WDR37: variants seen among roughly 807,000 people sequenced by gnomAD.
The protein encoded by WDR37 is WD repeat-containing protein 37.
WDR37 carries 19 observed loss-of-function variants against 62.9 expected under a neutral mutation model. That is an observed-to-expected ratio of 0.30 (90% CI 0.21 to 0.44). WDR37 has a LOEUF of 0.44. Ranked by LOEUF, WDR37 falls within the 20% of genes least tolerant of loss-of-function variation. The pLI is 1.00. For missense variants in WDR37, 474 were observed against 657.6 expected (o/e 0.72, Z 3.05); for synonymous variants, 250 against 260.9 (o/e 0.96, Z 0.40).
At chr10:1,106,001 G>A (rs1292412754) in intron 11 of WDR37, among the ~76,000 whole-genome samples, 1 of 152,024 alleles carries the variant, frequency 6.6e-6, no homozygotes, top group Non-Finnish European at 1.5e-5. Context: ...TAGCCAGGAT[G>A]GTCTCGATCT....
At chr10:1,102,604 C>T (rs1834861110) in intron 9 of WDR37, among the ~76,000 whole-genome samples, 1 of 152,116 alleles carries the variant, frequency 6.6e-6, no homozygotes, top group Non-Finnish European at 1.5e-5. Flanking sequence ...GGGTGCCCCA[C>T]ATCCAAGCAG....
intron 5 of WDR37, among the ~76,000 whole-genome samples, chr10:1,081,180 CTG>C (rs1398397202): frequency 1.3e-5 from 2 of 151,900 alleles, no homozygotes; most frequent in Non-Finnish European, 2.9e-5. Context: ...AAGTGAAGGT[CTG>C]TCTCTAAGGC....
Position 1,126,209 on chromosome 10 carries a change from T to C in WDR37, c.1353+1185T>C, listed in dbSNP as rs181105113. On this transcript the variant is annotated intron_variant, in intron 13 of 13. Coordinates refer to ENST00000263150, the MANE Select transcript of WDR37 (RefSeq NM_014023.4). ...TCACGAGGTCAGGAGATCGAGACCATCCTGACTAACACGGTGAAACCCTGT... is the reference window on the plus strand; with the variant it reads ...TCACGAGGTCAGGAGATCGAGACCACCCTGACTAACACGGTGAAACCCTGT... 6.6e-5 allele frequency among the ~76,000 whole-genome samples: 10 copies of C among 152,032 alleles called. No homozygotes were observed. In the East Asian group the frequency reaches 1.5e-3, roughly 24 times the overall value.
At chr10:1,087,637 C>T (rs1834245063) in intron 7 of WDR37, among the ~76,000 whole-genome samples, 1 of 151,618 alleles carries the variant, frequency 6.6e-6, no homozygotes, top group East Asian at 1.9e-4. Flanking sequence ...TTAAAATACT[C>T]AGTCAACAAT....
At chr10:1,057,219 CAGG>C (rs1833212343) in intron 1 of WDR37, among the ~76,000 whole-genome samples, 1 of 151,272 alleles carries the variant, frequency 6.6e-6, no homozygotes, top group Non-Finnish European at 1.5e-5. Flanking sequence ...AGTCGGGGCG[CAGG>C]AGTAGTCCGT....
intron 8 of WDR37, among the ~76,000 whole-genome samples, chr10:1,094,552 G>A (rs983416416): frequency 2.0e-5 from 3 of 152,300 alleles, no homozygotes; most frequent in East Asian, 1.9e-4. Context: ...ACCTTCATAC[G>A]TGGATGAAGA....
chr10:1,088,485 G>A (rs1332083890), intron 7 of WDR37, among the ~76,000 whole-genome samples: 5 of 152,106 alleles, frequency 3.3e-5, no homozygotes, highest in African/African-American at 1.2e-4. Flanking sequence ...GAGTAGAGAG[G>A]CCTGAGCAGA....
At chr10:1,091,166 T>C (rs1834375816) in intron 7 of WDR37, among the ~76,000 whole-genome samples, 1 of 152,188 alleles carries the variant, frequency 6.6e-6, no homozygotes, top group Non-Finnish European at 1.5e-5. Flanking sequence ...GCCCTACCCC[T>C]CCTTCTGTGG....
intron 9 of WDR37, among the ~76,000 whole-genome samples, chr10:1,099,197 G>A (rs910352112): frequency 2.6e-5 from 4 of 152,236 alleles, no homozygotes; most frequent in Non-Finnish European, 5.9e-5. Context: ...ATCACAAAGA[G>A]GCCTGAATGT....
At chr10:1,069,389 A>ATTTTTTTTTTTTTTTTTTTTTTTTTT (rs377212232) in intron 1 of WDR37, among the ~76,000 whole-genome samples, 2 of 95,806 alleles carry the variant, frequency 2.1e-5, no homozygotes, top group Non-Finnish European at 3.8e-5. Flanking sequence ...ATATATATAT[A>ATTTTTTTTTTTTTTTTTTTTTTTTTT]TTTTTTTTTT....
At chr10:1,091,469 C>T (rs1834385628) in intron 7 of WDR37, among the ~76,000 whole-genome samples, 1 of 152,100 alleles carries the variant, frequency 6.6e-6, no homozygotes, top group South Asian at 2.1e-4. Flanking sequence ...TCATTTAGTT[C>T]CTTAGAAAAA....
At chr10:1,075,997 CT>C (rs1833868305) in intron 2 of WDR37, among the ~76,000 whole-genome samples, 1 of 152,146 alleles carries the variant, frequency 6.6e-6, no homozygotes, top group Non-Finnish European at 1.5e-5. Flanking sequence ...CCAGGCTGGT[CT>C]CGAACTCCTG....
At chr10:1,074,717 G>A (rs1403653756) in intron 2 of WDR37, among the ~76,000 whole-genome samples, 2 of 152,260 alleles carry the variant, frequency 1.3e-5, no homozygotes, top group African/African-American at 4.8e-5. Flanking sequence ...TCTAGACAGT[G>A]TAGAGTGACG....
intron 11 of WDR37, among the ~76,000 whole-genome samples, chr10:1,120,900 T>C (rs1835556650): frequency 1.3e-5 from 2 of 152,262 alleles, no homozygotes; most frequent in South Asian, 4.1e-4. Context: ...GGATGCCAGC[T>C]TCGCGGCGTT....
chr10:1,073,153 G>A lies in WDR37; in HGVS notation c.138+860G>A, dbSNP rs570776697. 2.6e-5 allele frequency among the ~76,000 whole-genome samples: 4 copies of A among 152,262 alleles called. No homozygotes were observed. In the South Asian group the frequency reaches 8.3e-4, roughly 32 times the overall value. ...CAGAATTTTTAAAGAGTGTTGTGAA[G>A]TCTAGACGCAGTATATTTATATTAA... On this transcript the variant is annotated intron_variant, in intron 2 of 13. Transcript: ENST00000263150.
At chr10:1,072,869 A>G (rs1833768230) in intron 2 of WDR37, among the ~76,000 whole-genome samples, 1 of 152,178 alleles carries the variant, frequency 6.6e-6, no homozygotes, top group South Asian at 2.1e-4. Flanking sequence ...TTCTTTGTAC[A>G]GGCTTGCGGA....
At chr10:1,102,603 A>G (rs1279187757) in intron 9 of WDR37, among the ~76,000 whole-genome samples, 1 of 152,126 alleles carries the variant, frequency 6.6e-6, no homozygotes, top group Non-Finnish European at 1.5e-5. Flanking sequence ...GGGGTGCCCC[A>G]CATCCAAGCA....
intron 6 of WDR37, among the ~76,000 whole-genome samples, chr10:1,085,603 C>T (rs1834174777): frequency 1.3e-5 from 2 of 152,200 alleles, no homozygotes; most frequent in South Asian, 2.1e-4. Context: ...GCTTGTGAGA[C>T]GTTAATCACT....
intron 1 of WDR37, among the ~76,000 whole-genome samples, chr10:1,057,379 C>T (rs1348209069): frequency 6.6e-6 from 1 of 152,056 alleles, no homozygotes; most frequent in Non-Finnish European, 1.5e-5. Flanking sequence ...TTTGCTTCGG[C>T]CTGGGCATCC....
Sources: allele counts gnomAD v4.1 joint callset (sites outside exome capture counted in the v4.1 genomes callset), GRCh38; gene constraint gnomAD v4.1.1; transcripts MANE v1.5; gene names NCBI Gene and HGNC (gene_info 2026-07-23, HGNC 2026-07-21).